Variants in COL22A1 observed in about 807,000 individuals in gnomAD.
The protein encoded by COL22A1 is collagen alpha-1(XXII) chain.
A neutral mutation model predicts 248.9 loss-of-function variants in COL22A1; 221 were observed. The observed-to-expected ratio is 0.89, with a 90% CI of 0.80 to 0.99. The LOEUF (loss-of-function observed/expected upper bound fraction) is 0.99. COL22A1 is among the 50% of genes least tolerant of loss of function. COL22A1 has a pLI of 0.00. For missense variants in COL22A1, 2,240 were observed against 2,179.0 expected (o/e 1.03, Z -0.56); for synonymous variants, 891 against 793.4 (o/e 1.12, Z -2.07).
chr8:138,878,793 G>T lies in COL22A1; in HGVS notation c.92-477C>A, dbSNP rs1328336438. Among the ~76,000 whole-genome samples, 3 of 152,180 alleles carry T rather than the reference G, an allele frequency of 2.0e-5. No homozygotes were observed. In the South Asian group the frequency reaches 6.2e-4, roughly 32 times the overall value. ...GAGGCCAAGGCGGGTGGATCACGAG[G>T]TCAGGAGATCGAGACCATCCTGGCT... On this transcript the variant is annotated intron_variant, in intron 2 of 64. Transcript: ENST00000303045.
intron 16 of COL22A1, among the ~76,000 whole-genome samples, chr8:138,765,572 G>A (rs972542697): frequency 5.3e-5 from 8 of 152,232 alleles, no homozygotes; most frequent in Admixed American, 4.6e-4. Flanking sequence ...GAACGCAGGC[G>A]CACAATTCCA....
intron 51 of COL22A1, among the ~76,000 whole-genome samples, chr8:138,625,690 G>T (rs1820180203): frequency 6.6e-6 from 1 of 152,160 alleles, no homozygotes; most frequent in African/African-American, 2.4e-5. Context: ...CGTTGTAGTT[G>T]CTTTTTAAAA....
In COL22A1 at chr8:138,720,801, A is replaced by G; in HGVS notation, c.2302-9T>C. On this transcript the variant is annotated splice_polypyrimidine_tract_variant and intron_variant, in intron 26 of 64. Transcript: ENST00000303045. ...CTTTCTCCTGGTTCTCCCTGGAAGG[A>G]ATACAGAGCAAAGTTAACAGGAGAC... 6.2e-7 allele frequency: 1 copy of G among 1,611,106 alleles called. No individual in the cohort carries two copies. The highest frequency in any genetic ancestry group is 2.2e-5 in the East Asian group (1 of 44,844).
intron 22 of COL22A1, 144 bp from the exon 23 acceptor site, chr8:138,737,721 AG>A: frequency 1.6e-6 from 1 of 614,846 alleles, no homozygotes. Flanking sequence ...TGCCCCACAG[AG>A]GAACAATGTG....
chr8:138,632,197 AT>A (rs534640821), intron 49 of COL22A1, among the ~76,000 whole-genome samples: 10 of 152,136 alleles, frequency 6.6e-5, no homozygotes, highest in Non-Finnish European at 1.2e-4. Flanking sequence ...AAGAGAGGGT[AT>A]TGGTTAAGAG....
intron 10 of COL22A1, among the ~76,000 whole-genome samples, chr8:138,805,999 TG>T (rs1817592944): frequency 7.8e-5 from 4 of 51,032 alleles, no homozygotes; most frequent in East Asian, 5.9e-4. Context: ...TGATGGTGTG[TG>T]TGTGTGACGG....
At chr8:138,663,613 T>C in intron 42 of COL22A1, 92 bp downstream of exon 42, 1 of 949,290 alleles carries the variant, frequency 1.1e-6, no homozygotes, top group Non-Finnish European at 1.7e-6. Flanking sequence ...CAGAATCTAC[T>C]TCAGTTTTTG....
chr8:138,724,377 G>A (rs1830135226), intron 25 of COL22A1, among the ~76,000 whole-genome samples: 1 of 152,170 alleles, frequency 6.6e-6, no homozygotes, highest in Non-Finnish European at 1.5e-5. Context: ...TAGGGACTGT[G>A]GTCCTAATCC....
intron 36 of COL22A1, among the ~76,000 whole-genome samples, chr8:138,689,805 C>T (rs988251834): frequency 3.3e-5 from 5 of 152,192 alleles, no homozygotes; most frequent in Non-Finnish European, 5.9e-5. Flanking sequence ...TGCTGTGACT[C>T]TGGGATCCTG....
At chr8:138,693,104 C>G (rs1198258931) in intron 35 of COL22A1, among the ~76,000 whole-genome samples, 1 of 152,154 alleles carries the variant, frequency 6.6e-6, no homozygotes, top group African/African-American at 2.4e-5. Context: ...GAGACAGAGC[C>G]CAAATCAGCT....
rs80118175 is a variant in COL22A1, at chr8:138,795,281, C to T, written c.1596+1538G>A. On this transcript the variant is annotated intron_variant, in intron 12 of 64. Coordinates refer to ENST00000303045, the MANE Select transcript of COL22A1 (RefSeq NM_152888.3). ...GAGACATGAACTACATCTGCCTGGTCGTACCACTTAAGTTATGCTGTGTGT... is the reference window on the plus strand; with the variant it reads ...GAGACATGAACTACATCTGCCTGGTTGTACCACTTAAGTTATGCTGTGTGT... 3.2e-3 allele frequency among the ~76,000 whole-genome samples: 492 copies of T among 152,198 alleles called. 4 individuals carry two copies. Among genetic ancestry groups the T allele is most frequent in the African/African-American group, 0.011 (453 of 41,530 alleles).
intron 22 of COL22A1, among the ~76,000 whole-genome samples, chr8:138,738,625 G>T (rs1230442536): frequency 1.3e-5 from 2 of 152,104 alleles, no homozygotes; most frequent in Non-Finnish European, 2.9e-5. Context: ...TGTGCAAATC[G>T]AGGCTCAGAC....
intron 1 of COL22A1, among the ~76,000 whole-genome samples, chr8:138,911,137 G>A (rs1487156215): frequency 1.3e-5 from 2 of 152,196 alleles, no homozygotes; most frequent in South Asian, 2.1e-4. Flanking sequence ...TGTAGTGGGG[G>A]ACTCACTCCC....
chr8:138,782,640 C>T (rs1815120956), intron 12 of COL22A1, among the ~76,000 whole-genome samples: 1 of 152,236 alleles, frequency 6.6e-6, no homozygotes, highest in African/African-American at 2.4e-5. Context: ...ACCTTAAACA[C>T]ACCCTGGAAG....
intron 44 of COL22A1, among the ~76,000 whole-genome samples, chr8:138,656,820 G>T (rs7002247): frequency 0.76 from 115,384 of 152,140 alleles, 45,811 homozygotes; most frequent in Non-Finnish European, 0.89. Context: ...ACAACTAAAT[G>T]CATGGTGGCT....
At chr8:138,814,441 C>G (rs922195699) in intron 7 of COL22A1, among the ~76,000 whole-genome samples, 1 of 151,988 alleles carries the variant, frequency 6.6e-6, no homozygotes, top group East Asian at 1.9e-4. Flanking sequence ...CTCTGTCTCT[C>G]TGTGTGTCCC....
intron 55 of COL22A1, 87 bp from the exon 56 acceptor site, chr8:138,614,007 G>T: frequency 1.9e-6 from 2 of 1,064,012 alleles, no homozygotes; most frequent in Non-Finnish European, 2.9e-6. Flanking sequence ...ACCAAACCTC[G>T]CCAAGTTACC....
intron 22 of COL22A1, among the ~76,000 whole-genome samples, chr8:138,745,202 T>TA (rs58822351): frequency 1.3e-5 from 2 of 151,818 alleles, no homozygotes; most frequent in Admixed American, 6.6e-5. Context: ...TTTTTTTTTT[T>TA]AAATCTTCCA....
At position 138,626,245 on chromosome 8, in the gene COL22A1, T is replaced by A; in HGVS notation, c.3664-2A>T. 6.2e-7 allele frequency: 1 copy of A among 1,608,450 alleles called. No homozygotes were observed. The highest frequency in any genetic ancestry group is 8.5e-7 in the Non-Finnish European group (1 of 1,177,498). ...GGGGCCAGGAGGGCCTTCTTTCCCC[T>A]AAAAGATCCAAGACATAAAAACACC... On this transcript the variant is annotated splice_acceptor_variant, in intron 50 of 64. Transcript: ENST00000303045. LOFTEE classifies it high-confidence loss of function.
Sources: gnomAD v4.1 joint callset for allele counts (sites outside exome capture counted in the v4.1 genomes callset) on GRCh38, gnomAD v4.1.1 for gene constraint, MANE v1.5 for transcripts, NCBI Gene and HGNC (gene_info 2026-07-23, HGNC 2026-07-21) for gene names.